Variants in GPR146 observed in about 807,000 individuals in gnomAD.
GPR146 encodes the protein G-protein coupled receptor 146.
For missense variants in GPR146, 381 were observed against 213.9 expected, an observed-to-expected ratio of 1.78 and a Z score of -4.87; for synonymous variants, 203 against 104.3, an observed-to-expected ratio of 1.95 and a Z score of -5.77.
chr7:1,049,163 G>A (rs1782862859), intron 1 of GPR146, among the ~76,000 whole-genome samples: 1 of 152,252 alleles, frequency 6.6e-6, no homozygotes, highest in South Asian at 2.1e-4. Flanking sequence ...TGTGGGGTGT[G>A]ACGGGGCCCA....
chr7:1,056,775 A>T (rs561163246), intron 1 of GPR146: 1 of 141,436 alleles, frequency 7.1e-6, no homozygotes, highest in African/African-American at 2.7e-5. Flanking sequence ...CTCCGAGAGT[A>T]GGAGGTCAGC....
rs3802138 is a variant in GPR146, at chr7:1,058,187, G to A, written c.672G>A (p.Thr224=). 4.2e-5 allele frequency: 31 copies of A among 741,756 alleles called. No individual in the cohort carries two copies. Among genetic ancestry groups the A allele is most frequent in the East Asian group, 2.5e-4 (10 of 40,536 alleles). The allele number at this position is 741,756 out of a possible 1,614,324, so 45.9% of individuals were successfully genotyped here. A position where few individuals can be genotyped will look rare whatever the true frequency, so the allele number is the denominator to read the frequency against. The change falls in exon 2 of 2, where the codon ACG becomes ACA. Residue 224 remains threonine, a synonymous_variant. Transcript: ENST00000444847. ...RREDTPLDRD[T]GRLEPSAHRL... is the part of the protein sequence containing the mutation. ...AGGACACGCCCCTGGACCGGGACAC[G>A]GGCCGGCTGGAGCCCTCGGCACACA...
At position 1,057,674 on chromosome 7, in the gene GPR146, A is replaced by G; in HGVS notation, c.159A>G (p.Leu53=). The change falls in exon 2 of 2, where the codon CTA becomes CTG. Residue 53 remains leucine (L), a synonymous_variant. Coordinates refer to ENST00000444847, the MANE Select transcript of GPR146 (RefSeq NM_001303473.2). ...CYNALLVLAN[L]HSKASMTMPD... ...ACGCCCTGCTGGTGCTGGCCAACCT[A>G]CACAGCAAGGCCAGCATGACCATGC... is the stretch of plus-strand genomic sequence containing the variant. The G allele has an allele frequency of 1.3e-6, 1 of 772,396 alleles. No individual in the cohort carries two copies. Among genetic ancestry groups the G allele is most frequent in the African/African-American group, 1.7e-5 (1 of 59,092 alleles). The allele number at this position is 772,396 out of a possible 1,614,324, so 47.8% of individuals were successfully genotyped here.
At chr7:1,053,788 C>T (rs62430975) in intron 1 of GPR146, among the ~76,000 whole-genome samples, 13,523 of 152,248 alleles carry the variant, frequency 0.089, 681 homozygotes, top group Non-Finnish European at 0.11. Context: ...GATCGTGCCA[C>T]TGCACTCCAG....
intron 1 of GPR146, among the ~76,000 whole-genome samples, chr7:1,049,952 C>A (rs1213088430): frequency 6.6e-6 from 1 of 152,202 alleles, no homozygotes; most frequent in Non-Finnish European, 1.5e-5. Context: ...GCAGCCACCC[C>A]ACCCCACCCC....
chr7:1,046,059 G>A (rs1782546883), intron 1 of GPR146, among the ~76,000 whole-genome samples: 1 of 151,378 alleles, frequency 6.6e-6, no homozygotes, highest in African/African-American at 2.4e-5. Context: ...CTTAGGTTAG[G>A]ATGTAAAGGC....
intron 1 of GPR146, among the ~76,000 whole-genome samples, chr7:1,049,466 C>T (rs573662888): frequency 1.3e-5 from 2 of 152,240 alleles, no homozygotes; most frequent in Admixed American, 1.3e-4. Flanking sequence ...TGCAAAGGCA[C>T]CTGTGTGCAA....
intron 1 of GPR146, among the ~76,000 whole-genome samples, chr7:1,053,315 G>A (rs539254146): frequency 9.2e-5 from 14 of 152,392 alleles, no homozygotes; most frequent in African/African-American, 3.4e-4. Context: ...GACGGCGGGG[G>A]AGGGGCGTCC....
intron 1 of GPR146, among the ~76,000 whole-genome samples, chr7:1,048,940 C>A (rs758847116): frequency 6.6e-6 from 1 of 152,232 alleles, no homozygotes; most frequent in Non-Finnish European, 1.5e-5. Flanking sequence ...AGTGAAACAT[C>A]GGGAAATTCA....
chr7:1,049,733 C>A (rs1189041523), intron 1 of GPR146, among the ~76,000 whole-genome samples: 2 of 152,238 alleles, frequency 1.3e-5, no homozygotes, highest in Non-Finnish European at 2.9e-5. Context: ...GACCAGAGGT[C>A]AAGGCAGCGG....
chr7:1,047,202 G>A (rs1239253901), intron 1 of GPR146, among the ~76,000 whole-genome samples: 1 of 152,214 alleles, frequency 6.6e-6, no homozygotes. Context: ...GCAGGCACAG[G>A]TGCCCAGCCC....
At chr7:1,046,688 C>G (rs1782610686) in intron 1 of GPR146, among the ~76,000 whole-genome samples, 1 of 151,946 alleles carries the variant, frequency 6.6e-6, no homozygotes, top group African/African-American at 2.4e-5. Context: ...ACAAAATACC[C>G]CCTTGAGCAG....
Position 1,057,617 on chromosome 7 carries a change from G to A in GPR146, c.102G>A (p.Leu34=), listed in dbSNP as rs763152923. Residue 34 remains leucine (L), a synonymous_variant, in exon 2 of 2, where the codon CTG becomes CTA. Transcript: ENST00000444847. ...TGTCACTGTTGTCGCTGCTGGGCCT[G>A]GTGGTGGGCGTGCCAGTGGGCCTGT... ...LGLSLLSLLG[L]VVGVPVGLCY... The A allele has an allele frequency of 2.6e-6, 2 of 769,762 alleles. No individual in the cohort carries two copies. The highest frequency in any genetic ancestry group is 3.4e-5 in the African/African-American group (2 of 59,072). The allele number at this position is 769,762 out of a possible 1,614,324, so 47.7% of individuals were successfully genotyped here.
chr7:1,050,012 G>C (rs114065554), intron 1 of GPR146, among the ~76,000 whole-genome samples: 2 of 152,032 alleles, frequency 1.3e-5, no homozygotes, highest in African/African-American at 4.8e-5. Context: ...CAGGACACAC[G>C]GGCCCTCCCA....
At chr7:1,047,280 C>T (rs892934677) in intron 1 of GPR146, among the ~76,000 whole-genome samples, 1 of 152,194 alleles carries the variant, frequency 6.6e-6, no homozygotes, top group Admixed American at 6.5e-5. Context: ...CAAACATGCT[C>T]GCTATTATCC....
chr7:1,058,040 G>GC lies in GPR146; in HGVS notation c.526dup (p.Leu176ProfsTer261). The GC allele has an allele frequency of 1.3e-6, 1 of 768,856 alleles. No individual in the cohort carries two copies. The highest frequency in any genetic ancestry group is 2.4e-6 in the Non-Finnish European group (1 of 417,980). The allele number at this position is 768,856 out of a possible 1,614,324, so 47.6% of individuals were successfully genotyped here. ...TCTGCAGCCATGTGTCCACCCGCGC[G>GC]CTAGAGTGCGCCAAGATGCAGAACG... On this transcript the variant is annotated frameshift_variant, in exon 2 of 2. Coordinates refer to ENST00000444847, the MANE Select transcript of GPR146 (RefSeq NM_001303473.2). LOFTEE classifies it low-confidence loss of function (END_TRUNC).
intron 1 of GPR146, among the ~76,000 whole-genome samples, chr7:1,053,840 C>G (rs73267955): frequency 2.2e-4 from 34 of 152,168 alleles, no homozygotes; most frequent in African/African-American, 8.2e-4. Flanking sequence ...AAAACAAAAA[C>G]AAAACCAAAA....
chr7:1,049,061 C>T (rs1225412156), intron 1 of GPR146, among the ~76,000 whole-genome samples: 1 of 152,244 alleles, frequency 6.6e-6, no homozygotes. Flanking sequence ...GTGCGCTCCC[C>T]AGGCCTCCGC....
Sources: allele counts gnomAD v4.1 joint callset (sites outside exome capture counted in the v4.1 genomes callset), GRCh38; gene constraint gnomAD v4.1.1; transcripts MANE v1.5; gene names NCBI Gene and HGNC (gene_info 2026-07-23, HGNC 2026-07-21).